TBC1D22A: variants seen among roughly 807,000 people sequenced by gnomAD.
The protein encoded by TBC1D22A is TBC1 domain family member 22A.
A neutral mutation model predicts 60.2 loss-of-function variants in TBC1D22A; 38 were observed. The observed-to-expected ratio is 0.63, with a 90% CI of 0.49 to 0.83. The LOEUF (loss-of-function observed/expected upper bound fraction) is 0.83, where lower values mean the gene tolerates loss of function less well. Among genes scored for constraint, TBC1D22A ranks in the 40% least tolerant of loss-of-function variants. TBC1D22A has a pLI of 0.00. For synonymous variants in TBC1D22A, 302 were observed against 281.7 expected (o/e 1.07, Z -0.72); for missense variants, 628 against 701.0 (o/e 0.90, Z 1.18).
At chr22:46,963,929 A>T (rs528494507) in intron 8 of TBC1D22A, among the ~76,000 whole-genome samples, 1 of 152,284 alleles carries the variant, frequency 6.6e-6, no homozygotes, top group African/African-American at 2.4e-5. Context: ...TGTTCCTTCT[A>T]TGTGCTCTGA....
At chr22:47,089,183 C>T (rs2064818716) in intron 11 of TBC1D22A, among the ~76,000 whole-genome samples, 1 of 152,144 alleles carries the variant, frequency 6.6e-6, no homozygotes, top group Non-Finnish European at 1.5e-5. Context: ...CAGAAAGACA[C>T]ATGATTGGGA....
intron 7 of TBC1D22A, among the ~76,000 whole-genome samples, chr22:46,903,275 C>T (rs2069143053): frequency 2.0e-5 from 3 of 152,142 alleles, no homozygotes; most frequent in South Asian, 2.1e-4. Flanking sequence ...GGCGAAGGGG[C>T]TCCCCTTCGA....
At chr22:46,935,422 G>A (rs540549334) in intron 8 of TBC1D22A, among the ~76,000 whole-genome samples, 41 of 152,308 alleles carry the variant, frequency 2.7e-4, no homozygotes, top group African/African-American at 9.1e-4. Flanking sequence ...TTCGCACAGT[G>A]AATTCAGATG....
chr22:46,957,766 G>C (rs936359422), intron 8 of TBC1D22A, among the ~76,000 whole-genome samples: 2 of 152,344 alleles, frequency 1.3e-5, no homozygotes, highest in Non-Finnish European at 2.9e-5. Context: ...GGCTGTGCCT[G>C]GGCTGCTTAT....
intron 10 of TBC1D22A, among the ~76,000 whole-genome samples, chr22:47,013,234 A>C (rs2061809418): frequency 6.6e-6 from 1 of 152,042 alleles, no homozygotes; most frequent in Non-Finnish European, 1.5e-5. Flanking sequence ...GAGTGTGTTT[A>C]CCACCAGGAA....
chr22:46,985,771 C>G (rs2074699789), intron 9 of TBC1D22A, among the ~76,000 whole-genome samples: 1 of 152,226 alleles, frequency 6.6e-6, no homozygotes, highest in Admixed American at 6.5e-5. Flanking sequence ...TGTTCCACGT[C>G]AGAATGCGAT....
intron 10 of TBC1D22A, among the ~76,000 whole-genome samples, chr22:47,030,849 G>A (rs1314502201): frequency 1.3e-5 from 2 of 152,238 alleles, no homozygotes; most frequent in East Asian, 1.9e-4. Flanking sequence ...CTGGAGTTTA[G>A]CAGCCCATCC....
intron 10 of TBC1D22A, among the ~76,000 whole-genome samples, chr22:47,029,462 G>C (rs1018549292): frequency 6.6e-6 from 1 of 152,168 alleles, no homozygotes; most frequent in African/African-American, 2.4e-5. Context: ...CTGAACGGGG[G>C]CCGCCTGATG....
At chr22:47,170,690 C>T (rs2068401951) in intron 12 of TBC1D22A, among the ~76,000 whole-genome samples, 1 of 148,880 alleles carries the variant, frequency 6.7e-6, no homozygotes, top group Admixed American at 6.7e-5. Flanking sequence ...AGAGAGAGGA[C>T]AGTCCTGGTG....
At chr22:47,124,089 G>T (rs2066366696) in intron 12 of TBC1D22A, among the ~76,000 whole-genome samples, 1 of 152,220 alleles carries the variant, frequency 6.6e-6, no homozygotes, top group Non-Finnish European at 1.5e-5. Flanking sequence ...CCTCCCCGAA[G>T]AGGGGTCCTT....
chr22:47,072,094 C>T (rs550678095), intron 11 of TBC1D22A, among the ~76,000 whole-genome samples: 4 of 152,302 alleles, frequency 2.6e-5, no homozygotes, highest in African/African-American at 9.6e-5. Context: ...AGCAGCCCTC[C>T]GAGTGTGCTC....
At chr22:46,937,599 A>T (rs571049983) in intron 8 of TBC1D22A, among the ~76,000 whole-genome samples, 11 of 151,936 alleles carry the variant, frequency 7.2e-5, no homozygotes, top group Non-Finnish European at 1.3e-4. Context: ...AAAGTTATTT[A>T]AAAAAAAAGT....
chr22:46,977,302 A>G (rs1012264479), intron 9 of TBC1D22A, among the ~76,000 whole-genome samples: 7 of 152,098 alleles, frequency 4.6e-5, no homozygotes, highest in African/African-American at 1.7e-4. Flanking sequence ...TCCGTATTCT[A>G]CTTGTTTTCA....
chr22:47,045,465 A>G (rs2063001963), intron 11 of TBC1D22A, among the ~76,000 whole-genome samples: 1 of 152,152 alleles, frequency 6.6e-6, no homozygotes, highest in Non-Finnish European at 1.5e-5. Flanking sequence ...GTCTGAATAA[A>G]TTTCCTTGTA....
chr22:46,815,088 G>A (rs1433497875), intron 4 of TBC1D22A, among the ~76,000 whole-genome samples: 1 of 152,196 alleles, frequency 6.6e-6, no homozygotes, highest in Non-Finnish European at 1.5e-5. Context: ...CATTTCTGAA[G>A]ACATTCTATT....
At chr22:46,889,547 C>T (rs12167971) in intron 5 of TBC1D22A, among the ~76,000 whole-genome samples, 3 of 152,152 alleles carry the variant, frequency 2.0e-5, no homozygotes, top group Non-Finnish European at 2.9e-5. Context: ...CGTATGCCCA[C>T]GAAAATCCTG....
intron 8 of TBC1D22A, among the ~76,000 whole-genome samples, chr22:46,940,489 C>T (rs1008516301): frequency 4.8e-5 from 7 of 144,532 alleles, no homozygotes; most frequent in Admixed American, 3.5e-4. Flanking sequence ...TATATATATA[C>T]ACACACACAG....
intron 12 of TBC1D22A, among the ~76,000 whole-genome samples, chr22:47,152,865 A>G (rs1487532314): frequency 6.6e-6 from 1 of 152,136 alleles, no homozygotes; most frequent in Non-Finnish European, 1.5e-5. Context: ...GGTCACGGGA[A>G]GCTTGCTGGA....
At chr22:47,089,034 A>T (rs1348109565) in intron 11 of TBC1D22A, among the ~76,000 whole-genome samples, 1 of 152,208 alleles carries the variant, frequency 6.6e-6, no homozygotes, top group Non-Finnish European at 1.5e-5. Context: ...CCACATGGCC[A>T]TGACCAGATT....
Sources: allele counts gnomAD v4.1 joint callset (sites outside exome capture counted in the v4.1 genomes callset), GRCh38; gene constraint gnomAD v4.1.1; transcripts MANE v1.5; gene names NCBI Gene and HGNC (gene_info 2026-07-23, HGNC 2026-07-21).